PCGF6: variants seen among roughly 807,000 people sequenced by gnomAD.
PCGF6 encodes the protein polycomb group ring finger 6.
In PCGF6, 24 loss-of-function variants were observed where a neutral mutation model predicts 45.5. The observed-to-expected ratio is 0.53, with a 90% CI of 0.38 to 0.74. The LOEUF (loss-of-function observed/expected upper bound fraction) is 0.74. Ranked by LOEUF, PCGF6 falls within the 30% of genes least tolerant of loss-of-function variation. The probability of loss-of-function intolerance (pLI) is 0.00; values close to 1 mark genes in which losing one functional copy is unlikely to be tolerated. For synonymous variants in PCGF6, 152 were observed against 162.1 expected, an observed-to-expected ratio of 0.94 and a Z score of 0.47; for missense variants, 356 against 443.2, an observed-to-expected ratio of 0.80 and a Z score of 1.77.
chr10:103,348,874 T>C (rs1452364038), intron 2 of PCGF6, 26 bp downstream of exon 2: 7 of 1,604,072 alleles, frequency 4.4e-6, no homozygotes, highest in Non-Finnish European at 6.0e-6. Flanking sequence ...TGAAAAATTA[T>C]TCAGAAATGT....
intron 3 of PCGF6, among the ~76,000 whole-genome samples, chr10:103,347,918 T>G (rs1046121703): frequency 3.9e-5 from 6 of 152,218 alleles, no homozygotes; most frequent in African/African-American, 1.4e-4. Context: ...TTTGAACTTC[T>G]GTCTATCATC....
intron 8 of PCGF6, among the ~76,000 whole-genome samples, chr10:103,317,432 A>G (rs1412517488): frequency 6.6e-6 from 1 of 152,130 alleles, no homozygotes; most frequent in Non-Finnish European, 1.5e-5. Context: ...AGATCTTTAA[A>G]TTTTTTGTAA....
intron 6 of PCGF6, among the ~76,000 whole-genome samples, chr10:103,342,547 A>G (rs1333967660): frequency 6.6e-6 from 1 of 152,068 alleles, no homozygotes. Flanking sequence ...ATTTTCTTAT[A>G]TGGCCTTTCA....
At chr10:103,306,996 C>T (rs541725844) in intron 9 of PCGF6, among the ~76,000 whole-genome samples, 1 of 151,972 alleles carries the variant, frequency 6.6e-6, no homozygotes, top group African/African-American at 2.4e-5. Context: ...TCCAGCTACT[C>T]AAGAGGCTGA....
chr10:103,333,496 TAAATC>T (rs1288572393), intron 7 of PCGF6, among the ~76,000 whole-genome samples: 3 of 152,210 alleles, frequency 2.0e-5, no homozygotes, highest in African/African-American at 7.2e-5. Context: ...TCGGAATCTT[TAAATC>T]AACTCTGAAC....
chr10:103,314,211 C>A lies in PCGF6; in HGVS notation c.971G>T (p.Arg324Leu). ...CTGCATTGCTGCATCACCTATTGCA[C>A]GTCGGATTTCCCTTAGAGTTTGATA... The part of the protein sequence containing the change: ...EQYQTLREIR[R>L]AIGDAAMQDG... Residue 324 changes from arginine (R) to leucine (L), a missense_variant, in exon 9 of 10, where the codon CGT becomes CTT. Physicochemically the swap from Arg to Leu is moderately radical, Grantham distance 102. Around this residue, in one of 2 missense-constraint regions of PCGF6, gnomAD observed 49 missense variants for 93.0 expected, o/e 0.53. Coordinates refer to ENST00000369847, the MANE Select transcript of PCGF6 (RefSeq NM_001011663.2). 1 of 1,605,304 alleles carries A rather than the reference C, an allele frequency of 6.2e-7. No homozygotes were observed. Among genetic ancestry groups the A allele is most frequent in the East Asian group, 2.2e-5 (1 of 44,590 alleles).
chr10:103,324,942 C>T (rs2093212052), intron 8 of PCGF6, among the ~76,000 whole-genome samples: 1 of 151,154 alleles, frequency 6.6e-6, no homozygotes, highest in South Asian at 2.1e-4. Context: ...CGAGACCAGC[C>T]AGACCAATAT....
At chr10:103,307,796 A>T (rs910224972) in intron 9 of PCGF6, among the ~76,000 whole-genome samples, 3 of 152,188 alleles carry the variant, frequency 2.0e-5, no homozygotes, top group Admixed American at 6.6e-5. Flanking sequence ...TGATGCTTGC[A>T]CAATCATTAA....
chr10:103,348,488 C>T (rs757021368), intron 3 of PCGF6: 7 of 312,300 alleles, frequency 2.2e-5, no homozygotes, highest in East Asian at 1.3e-4. Flanking sequence ...AGGCATGTGC[C>T]GCCACTCCTG....
At position 103,346,710 on chromosome 10, in the gene PCGF6, G is replaced by A. The variant is rs146198396; in HGVS notation, c.673+528C>T. On this transcript the variant is annotated intron_variant, in intron 5 of 9. Coordinates refer to ENST00000369847, the MANE Select transcript of PCGF6 (RefSeq NM_001011663.2). ...CTTGGGAGGCTGAGGCAGGAGAATT[G>A]CTCAAACCCAGAAGGTGGAGGTTGC... Among the ~76,000 whole-genome samples the A allele has an allele frequency of 6.4e-3, 975 of 152,268 alleles. 6 individuals are homozygous for A. Among genetic ancestry groups the A allele is most frequent in the Non-Finnish European group, 7.0e-3 (476 of 68,016 alleles).
At chr10:103,342,384 C>T (rs994559309) in intron 6 of PCGF6, among the ~76,000 whole-genome samples, 1 of 152,050 alleles carries the variant, frequency 6.6e-6, no homozygotes, top group Admixed American at 6.6e-5. Flanking sequence ...CAGGCACCTG[C>T]CACAACACCT....
At position 103,350,721 on chromosome 10, in the gene PCGF6, C is replaced by G; in HGVS notation, c.346G>C (p.Glu116Gln). ...GCTCTAAATACCTCCTCCTCGTCCT[C>G]CGAGTCCTGCCGGCCTCCCTCCAGC... ...LRLEGGRQDSEDEEERLINLS... is the reference protein window; with the variant it reads ...LRLEGGRQDSQDEEERLINLS... Residue 116 changes from glutamate (E) to glutamine (Q), a missense_variant, in exon 1 of 10, where the codon GAG becomes CAG. This residue lies in a region of PCGF6 where 307 missense variants were observed against 350.1 expected (regional missense o/e 0.88). Coordinates refer to ENST00000369847, the MANE Select transcript of PCGF6 (RefSeq NM_001011663.2). The G allele has an allele frequency of 1.3e-6, 2 of 1,537,178 alleles. No homozygotes were observed. The highest frequency in any genetic ancestry group is 1.8e-6 in the Non-Finnish European group (2 of 1,140,350).
chr10:103,350,723 G>T lies in PCGF6; in HGVS notation c.344C>A (p.Ser115Ter), dbSNP rs139160000. 3.3e-6 allele frequency: 5 copies of T among 1,535,516 alleles called. No individual in the cohort carries two copies. The highest frequency in any genetic ancestry group is 1.4e-5 in the African/African-American group (1 of 71,588). ...SLRLEGGRQD[S>*]EDEEERLINL... is the part of the protein sequence containing the mutation. ...TCTAAATACCTCCTCCTCGTCCTCCGAGTCCTGCCGGCCTCCCTCCAGCCT... is the reference window on the plus strand; with the variant it reads ...TCTAAATACCTCCTCCTCGTCCTCCTAGTCCTGCCGGCCTCCCTCCAGCCT... The change falls in exon 1 of 10, where the codon TCG (serine) becomes TAG (stop). Residue 115 changes from serine to a stop codon, truncating the protein, a stop_gained. Transcript: ENST00000369847. LOFTEE classifies it high-confidence loss of function.
intron 6 of PCGF6, among the ~76,000 whole-genome samples, chr10:103,337,377 T>C (rs1012387279): frequency 7.2e-5 from 11 of 152,280 alleles, no homozygotes; most frequent in African/African-American, 2.6e-4. Context: ...AATACTCATA[T>C]TGATAATAAT....
intron 7 of PCGF6, among the ~76,000 whole-genome samples, chr10:103,329,741 G>C (rs577440905): frequency 1.5e-3 from 225 of 152,204 alleles, no homozygotes; most frequent in African/African-American, 5.0e-3. Flanking sequence ...CCAAAGTGCT[G>C]GGATTATAGG....
rs554705597 is a variant in PCGF6, at chr10:103,328,354, A to G, written c.811-1722T>C. 1.3e-3 allele frequency among the ~76,000 whole-genome samples: 197 copies of G among 152,286 alleles called. 1 individual carries two copies. The highest frequency in any genetic ancestry group is 2.6e-3 in the Admixed American group (40 of 15,280). The stretch of plus-strand genomic sequence containing the variant: ...CTTTCCCAACTAAAACTCAGAGTCT[A>G]TATTAGATAGGTATTTTATTTTTCT... On this transcript the variant is annotated intron_variant, in intron 7 of 9. Transcript: ENST00000369847.
chr10:103,348,802 G>C lies in PCGF6; in HGVS notation c.471C>G (p.Ser157Arg). 4.3e-6 allele frequency: 7 copies of C among 1,612,458 alleles called. No individual in the cohort carries two copies. Among genetic ancestry groups the C allele is most frequent in the Non-Finnish European group, 5.9e-6 (7 of 1,179,166 alleles). Reference protein sequence around the residue: ...ITECLHTFCKSCIVRHFYYSN... With the variant: ...ITECLHTFCKRCIVRHFYYSN... The stretch of plus-strand genomic sequence containing the variant: ...TGTAGTAAAAATGTCTTACGATGCA[G>C]CTTTTACAAACTGTTGAAAAAGAAT... Residue 157 changes from serine (S) to arginine (R), a missense_variant, in exon 3 of 10, where the codon AGC (serine) becomes AGG (arginine). Coordinates refer to ENST00000369847, the MANE Select transcript of PCGF6 (RefSeq NM_001011663.2).
intron 9 of PCGF6, among the ~76,000 whole-genome samples, chr10:103,305,408 C>T (rs1324113378): frequency 2.6e-5 from 4 of 151,912 alleles, no homozygotes; most frequent in East Asian, 1.9e-4. Flanking sequence ...CCAGCTGGAA[C>T]GACAGGGGCC....
chr10:103,347,545 T>C (rs2093304058), intron 3 of PCGF6, 95 bp from the exon 4 acceptor site: 3 of 979,656 alleles, frequency 3.1e-6, no homozygotes, highest in Non-Finnish European at 4.7e-6. Context: ...AGAGTGGGTA[T>C]CTTTTTTCTC....
Sources: allele counts gnomAD v4.1 joint callset (sites outside exome capture counted in the v4.1 genomes callset), GRCh38; gene constraint gnomAD v4.1.1; regional missense constraint gnomAD v4.1.1; transcripts MANE v1.5; gene names NCBI Gene and HGNC (gene_info 2026-07-23, HGNC 2026-07-21).